ESRRG: variants seen among roughly 807,000 people sequenced by gnomAD.
The protein encoded by ESRRG is estrogen-related receptor gamma.
In ESRRG, 13 loss-of-function variants were observed where a neutral mutation model predicts 44.0. That is an observed-to-expected ratio of 0.30 (90% confidence interval 0.19 to 0.47). ESRRG has a LOEUF of 0.47. Ranked by LOEUF, ESRRG falls within the 20% of genes least tolerant of loss-of-function variation. The pLI, the probability that ESRRG is intolerant of heterozygous loss-of-function variation, is 1.00. For synonymous variants in ESRRG, 215 were observed against 214.6 expected (o/e 1.00, Z -0.02); for missense variants, 395 against 580.6 (o/e 0.68, Z 3.29).
intron 1 of ESRRG, among the ~76,000 whole-genome samples, chr1:216,980,410 T>C (rs2073753191): frequency 6.6e-6 from 1 of 152,106 alleles, no homozygotes; most frequent in Admixed American, 6.6e-5. Flanking sequence ...CCAAGTCTGT[T>C]TTATTATTTT....
intron 1 of ESRRG, among the ~76,000 whole-genome samples, chr1:216,694,905 T>G (rs2079825304): frequency 6.6e-6 from 1 of 152,190 alleles, no homozygotes; most frequent in African/African-American, 2.4e-5. Context: ...GCATTTTCCA[T>G]GTATTCACTC....
At chr1:216,588,155 C>T (rs1050607738) in intron 3 of ESRRG, among the ~76,000 whole-genome samples, 23 of 152,058 alleles carry the variant, frequency 1.5e-4, no homozygotes, top group African/African-American at 5.6e-4. Flanking sequence ...GTGAAGTATA[C>T]CTGTGACTTC....
At position 216,740,237 on chromosome 1, in the gene ESRRG, TCAAA is replaced by T. The variant is rs558866067; in HGVS notation, c.-13-62750_-13-62747del. Among the ~76,000 whole-genome samples, 239 of 152,310 alleles carry T rather than the reference TCAAA, an allele frequency of 1.6e-3. 1 individual carries two copies. Among genetic ancestry groups the T allele is most frequent in the African/African-American group, 5.5e-3 (229 of 41,566 alleles). ...AATCAGTTTACAAAAAATCTATTTG[TCAAA>T]CAGTGTGGAGATGTTCCCAATTTAG... is the stretch of plus-strand genomic sequence containing the variant. On this transcript the variant is annotated intron_variant, in intron 2 of 7. Coordinates refer to the ESRRG transcript ENST00000359162.
In ESRRG at chr1:216,504,653, A is replaced by G. The variant is rs2040897187; in HGVS notation, c.*2286T>C. The G allele has an allele frequency of 6.6e-6, 1 of 152,654 alleles. No individual in the cohort carries two copies. The highest frequency in any genetic ancestry group is 2.4e-5 in the African/African-American group (1 of 41,464). The allele number at this position is 152,654 out of a possible 1,614,324, so 9.5% of individuals were successfully genotyped here. A position where few individuals can be genotyped will look rare whatever the true frequency, so the allele number is the denominator to read the frequency against. ...AACAACACAGAGCGAGTTAATAACA[A>G]CATCTGAGAGATGATTGAGTGAAAG... On this transcript the variant is annotated 3_prime_UTR_variant, in exon 7 of 7. Coordinates refer to ENST00000408911, the MANE Select transcript of ESRRG (RefSeq NM_001438.4).
At chr1:216,624,913 A>G (rs1210051774) in intron 3 of ESRRG, among the ~76,000 whole-genome samples, 1 of 152,056 alleles carries the variant, frequency 6.6e-6, no homozygotes, top group Non-Finnish European at 1.5e-5. Flanking sequence ...TCTACTCTCA[A>G]TTTCCTCAAT....
At chr1:216,571,755 T>C (rs571372846) in intron 3 of ESRRG, among the ~76,000 whole-genome samples, 12 of 152,316 alleles carry the variant, frequency 7.9e-5, no homozygotes, top group Admixed American at 2.6e-4. Flanking sequence ...GATTTTACAC[T>C]TTATTTCCTA....
chr1:216,982,849 T>G (rs189423938), intron 1 of ESRRG, among the ~76,000 whole-genome samples: 1 of 152,168 alleles, frequency 6.6e-6, no homozygotes, highest in Non-Finnish European at 1.5e-5. Flanking sequence ...TCACAGACAC[T>G]GTTTTTTCCA....
chr1:216,892,747 T>C (rs1189259314), intron 2 of ESRRG, among the ~76,000 whole-genome samples: 2 of 152,306 alleles, frequency 1.3e-5, no homozygotes, highest in Non-Finnish European at 2.9e-5. Flanking sequence ...TGTCCTCACA[T>C]ACTTTAACAG....
intron 1 of ESRRG, among the ~76,000 whole-genome samples, chr1:217,026,910 CACAGAGAG>C (rs1444616964): frequency 9.3e-5 from 9 of 97,256 alleles, no homozygotes; most frequent in South Asian, 7.2e-4. Flanking sequence ...CACACACACA[CACAGAGAG>C]AGAGAGAGAG....
At chr1:216,684,934 C>T (rs2077650656) in intron 1 of ESRRG, among the ~76,000 whole-genome samples, 1 of 152,208 alleles carries the variant, frequency 6.6e-6, no homozygotes. Context: ...CTCACAACTG[C>T]TCAACTACAT....
intron 1 of ESRRG, among the ~76,000 whole-genome samples, chr1:217,019,520 G>T (rs1377329222): frequency 6.6e-6 from 1 of 152,172 alleles, no homozygotes; most frequent in African/African-American, 2.4e-5. Context: ...GAGTGTGCAA[G>T]GATAGTCTTG....
chr1:216,870,190 G>A (rs1328061774), intron 2 of ESRRG, among the ~76,000 whole-genome samples: 3 of 150,954 alleles, frequency 2.0e-5, no homozygotes, highest in Non-Finnish European at 4.4e-5. Context: ...ATTTTATCAT[G>A]AATAGATGTT....
intron 1 of ESRRG, among the ~76,000 whole-genome samples, chr1:217,107,051 A>G (rs991420898): frequency 6.6e-6 from 1 of 152,162 alleles, no homozygotes; most frequent in African/African-American, 2.4e-5. Flanking sequence ...TCATATATTC[A>G]TCTGTTTTTC....
At chr1:216,750,630 G>A (rs146124660) in intron 2 of ESRRG, among the ~76,000 whole-genome samples, 2,268 of 152,030 alleles carry the variant, frequency 0.015, 15 homozygotes, top group South Asian at 0.031. Flanking sequence ...ATAAATATAT[G>A]TCCTGACAAC....
intron 4 of ESRRG, 136 bp downstream of exon 4, chr1:216,567,852 G>C (rs1282544445): frequency 2.3e-5 from 14 of 607,100 alleles, no homozygotes; most frequent in South Asian, 1.2e-4. Flanking sequence ...ACAATCTTTG[G>C]GAATAGAGCC....
chr1:216,812,345 A>G (rs2094998783), intron 2 of ESRRG, among the ~76,000 whole-genome samples: 1 of 152,206 alleles, frequency 6.6e-6, no homozygotes, highest in South Asian at 2.1e-4. Context: ...ACTGCTTTGC[A>G]AAAACCAAAT....
chr1:216,963,506 G>T (rs1461928710), intron 1 of ESRRG, among the ~76,000 whole-genome samples: 1 of 152,132 alleles, frequency 6.6e-6, no homozygotes, highest in Non-Finnish European at 1.5e-5. Context: ...ATCTAACAGA[G>T]TCAAGCCACG....
At chr1:216,577,376 A>C (rs1209107298) in intron 3 of ESRRG, among the ~76,000 whole-genome samples, 1 of 152,104 alleles carries the variant, frequency 6.6e-6, no homozygotes. Context: ...ATGGGTGAAT[A>C]TTCTCTTTAT....
At chr1:216,617,806 T>C (rs1381171979) in intron 3 of ESRRG, among the ~76,000 whole-genome samples, 3 of 152,188 alleles carry the variant, frequency 2.0e-5, no homozygotes, top group Non-Finnish European at 4.4e-5. Context: ...TTAACATCAA[T>C]TTATAAATAC....
Sources: gnomAD v4.1 joint callset for allele counts (sites outside exome capture counted in the v4.1 genomes callset) on GRCh38, gnomAD v4.1.1 for gene constraint, MANE v1.5 for transcripts, NCBI Gene and HGNC (gene_info 2026-07-23, HGNC 2026-07-21) for gene names.